The following GALC variants were observed in gnomAD, a reference collection of about 807,000 sequenced individuals.
The protein encoded by GALC is galactocerebrosidase.
In GALC, 77 loss-of-function variants were observed where a neutral mutation model predicts 91.8. That is an observed-to-expected ratio of 0.84 (90% CI 0.70 to 1.01). The LOEUF (loss-of-function observed/expected upper bound fraction) is 1.01. GALC is among the 50% of genes least tolerant of loss of function. The pLI, the probability that GALC is intolerant of heterozygous loss-of-function variation, is 0.00. For missense variants in GALC, 882 were observed against 855.9 expected (o/e 1.03, Z -0.38); for synonymous variants, 357 against 306.7 (o/e 1.16, Z -1.71).
upstream of GALC, chr14:87,993,226 CG>C: frequency 6.5e-7 from 1 of 1,547,356 alleles, no homozygotes; most frequent in Non-Finnish European, 8.7e-7. Flanking sequence ...ACGATAGATA[CG>C]GGCAGGAGGC....
At position 87,992,966 on chromosome 14, in the gene GALC, T is replaced by C; in HGVS notation, c.195+4A>G. ...CCCGCGTATCCCCGCAGCTTGCCGC[T>C]CACCCCGCCGCCGCTGACCGCGCCG... is the stretch of plus-strand genomic sequence containing the variant. On this transcript the variant is annotated splice_donor_region_variant and intron_variant, in intron 1 of 16. Transcript: ENST00000261304. The C allele has an allele frequency of 6.6e-7, 1 of 1,515,260 alleles. No homozygotes were observed. The highest frequency in any genetic ancestry group is 8.8e-7 in the Non-Finnish European group (1 of 1,140,556). 93.9% of individuals were successfully genotyped at this position (1,515,260 alleles called of 1,614,324 possible).
rs1211719211 is a variant in GALC, at chr14:87,992,898, G to C, written c.195+72C>G. Reference sequence around the variant, plus strand: ...GGTGGAAACGCAGGGCAACGCCGCGGGGGCTTGTGGGGCTGGCCCCACGGG... The same window carrying C: ...GGTGGAAACGCAGGGCAACGCCGCGCGGGCTTGTGGGGCTGGCCCCACGGG... On this transcript the variant is annotated intron_variant, in intron 1 of 16. Transcript: ENST00000261304. 7 of 1,443,142 alleles carry C rather than the reference G, an allele frequency of 4.9e-6. No homozygotes were observed. The African/African-American group carries it at 9.0e-5, about 18-fold the overall frequency. The allele number at this position is 1,443,142 out of a possible 1,614,324, so 89.4% of individuals were successfully genotyped here. A position where few individuals can be genotyped will look rare whatever the true frequency, so the allele number is the denominator to read the frequency against.
intron 10 of GALC, among the ~76,000 whole-genome samples, chr14:87,960,462 C>G (rs1885755323): frequency 6.6e-6 from 1 of 152,002 alleles, no homozygotes; most frequent in African/African-American, 2.4e-5. Context: ...ATGGGCATAC[C>G]CTGATTTGAC....
At chr14:87,985,681 C>A (rs967151097) in intron 4 of GALC, among the ~76,000 whole-genome samples, 5 of 152,174 alleles carry the variant, frequency 3.3e-5, no homozygotes, top group Admixed American at 1.3e-4. Context: ...GAAATCAGGT[C>A]TTTAAAATGA....
chr14:87,978,519 G>C (rs1485841974), intron 6 of GALC, among the ~76,000 whole-genome samples: 1 of 152,124 alleles, frequency 6.6e-6, no homozygotes, highest in East Asian at 1.9e-4. Context: ...TACATGCTAT[G>C]ATTTCTAAAT....
chr14:87,970,401 A>T (rs372874664), intron 7 of GALC, among the ~76,000 whole-genome samples: 9 of 152,140 alleles, frequency 5.9e-5, no homozygotes, highest in African/African-American at 1.9e-4. Flanking sequence ...ATATTTATAA[A>T]ATGAAAAAGT....
At chr14:87,986,454 G>A in intron 4 of GALC, 35 bp downstream of exon 4, 3 of 1,278,096 alleles carry the variant, frequency 2.3e-6, no homozygotes, top group Non-Finnish European at 3.4e-6. Flanking sequence ...TAAAGGAAAA[G>A]AGACTGAAGA....
In GALC at chr14:87,976,158, CTT is replaced by C. The variant is rs201427106; in HGVS notation, c.752+198_752+199del. On this transcript the variant is annotated intron_variant, in intron 7 of 16. Coordinates refer to ENST00000261304, the MANE Select transcript of GALC (RefSeq NM_000153.4). ...ACATGCTTTTTAAAAGCTATCAATA[CTT>C]GTTTGTCATAGAAAGATCCTAAAAT... 6.0e-3 allele frequency among the ~76,000 whole-genome samples: 910 copies of C among 152,266 alleles called. 12 individuals carry two copies. The highest frequency in any genetic ancestry group is 0.021 in the African/African-American group (870 of 41,556).
chr14:87,990,090 C>T (rs1039777306), intron 1 of GALC, among the ~76,000 whole-genome samples: 6 of 152,118 alleles, frequency 3.9e-5, no homozygotes, highest in African/African-American at 9.7e-5. Flanking sequence ...TTGATGTAAG[C>T]GCCTCTCCTT....
chr14:87,993,651 AAAGTT>A (rs1887341364), upstream of GALC: 6 of 615,438 alleles, frequency 9.7e-6, no homozygotes, highest in Non-Finnish European at 1.7e-5. Flanking sequence ...GACTGAGAGA[AAAGTT>A]AATAAGCACT....
At chr14:87,943,874 A>G (rs1220155546) in intron 14 of GALC, among the ~76,000 whole-genome samples, 1 of 151,924 alleles carries the variant, frequency 6.6e-6, no homozygotes, top group East Asian at 1.9e-4. Flanking sequence ...GATGAGACCA[A>G]ATTATAAAGG....
chr14:87,993,397 C>A (rs1887325131), upstream of GALC: 2 of 1,535,864 alleles, frequency 1.3e-6, no homozygotes, highest in African/African-American at 2.7e-5. Flanking sequence ...GGCTTCTCTT[C>A]CGGCGTCACC....
upstream of GALC, chr14:87,993,300 C>G: frequency 2.0e-6 from 3 of 1,537,760 alleles, no homozygotes; most frequent in African/African-American, 1.4e-5. Flanking sequence ...ACGCAGCTGG[C>G]GGAGTGTTGA....
chr14:87,934,229 A>C lies in GALC; in HGVS notation c.*503T>G, dbSNP rs1884474417. On this transcript the variant is annotated 3_prime_UTR_variant, in exon 17 of 17. Coordinates refer to ENST00000261304, the MANE Select transcript of GALC (RefSeq NM_000153.4). ...ATAAAAAAATACTTTTTAGAGCATA[A>C]AGCATAACAGGTTGAAGTGGTTTTC... 1 of 1,378,994 alleles carries C rather than the reference A, an allele frequency of 7.3e-7. No homozygotes were observed. The highest frequency in any genetic ancestry group is 9.4e-7 in the Non-Finnish European group (1 of 1,067,846). 85.4% of individuals were successfully genotyped at this position (1,378,994 alleles called of 1,614,324 possible). A position where few individuals can be genotyped will look rare whatever the true frequency, so the allele number is the denominator to read the frequency against.
At chr14:87,973,676 C>T (rs1027377224) in intron 7 of GALC, among the ~76,000 whole-genome samples, 6 of 152,030 alleles carry the variant, frequency 3.9e-5, no homozygotes, top group African/African-American at 7.2e-5. Flanking sequence ...AATAACTAAA[C>T]GAAGAAGAAA....
chr14:87,938,818 A>C (rs958458319), intron 16 of GALC, among the ~76,000 whole-genome samples: 1 of 151,950 alleles, frequency 6.6e-6, no homozygotes, highest in Non-Finnish European at 1.5e-5. Context: ...TAAAACTTAT[A>C]ATCATCAAAA....
Position 87,952,070 on chromosome 14 carries a change from T to A in GALC, c.1162-1322A>T, listed in dbSNP as rs79008288. Among the ~76,000 whole-genome samples, 1,007 of 151,622 alleles carry A rather than the reference T, an allele frequency of 6.6e-3. 15 individuals are homozygous for A. The highest frequency in any genetic ancestry group is 0.044 in the East Asian group (226 of 5,164). ...CAAAAAACTGTGGAAATAAAATTTT[T>A]TTAAAAAGTAAAAATAAAAATAAAG... On this transcript the variant is annotated intron_variant, in intron 10 of 16. Coordinates refer to ENST00000261304, the MANE Select transcript of GALC (RefSeq NM_000153.4).
At position 87,993,091 on chromosome 14, in the gene GALC, C is replaced by G. The variant is rs912505865; in HGVS notation, c.74G>C (p.Gly25Ala). Residue 25 changes from glycine (G) to alanine (A), a missense_variant, in exon 1 of 17, where the codon GGC becomes GCC. Coordinates refer to ENST00000261304, the MANE Select transcript of GALC (RefSeq NM_000153.4). ...CAGCAGCAAGGGCACCGCGGCGCGG[C>G]CCGCCGAACCCGCGGCCGCAGTCAT... Reference protein sequence around the residue: ...KAMTAAAGSAGRAAVPLLLCA... With the variant: ...KAMTAAAGSAARAAVPLLLCA... The G allele has an allele frequency of 1.9e-6, 3 of 1,583,920 alleles. No homozygotes were observed. The highest frequency in any genetic ancestry group is 1.7e-4 in the Middle Eastern group (1 of 5,800).
Position 87,947,832 on chromosome 14 carries a change from T to G in GALC, c.1385A>C (p.Glu462Ala). Reference protein sequence around the residue: ...GSFTLSLHEDELFTLTTLTTG... With the variant: ...GSFTLSLHEDALFTLTTLTTG... ...GGTGAGAGTGGTGAGTGTGAACAGCTCATCTTCATGCAGGCTCAGTGTGAA... is the reference window on the plus strand; with the variant it reads ...GGTGAGAGTGGTGAGTGTGAACAGCGCATCTTCATGCAGGCTCAGTGTGAA... The change falls in exon 13 of 17, where the codon GAG (glutamate) becomes GCG (alanine). Residue 462 changes from glutamate to alanine, a missense_variant. Transcript: ENST00000261304. 6.2e-7 allele frequency: 1 copy of G among 1,612,704 alleles called. No individual in the cohort carries two copies. The highest frequency in any genetic ancestry group is 8.5e-7 in the Non-Finnish European group (1 of 1,179,142).
Sources: gnomAD v4.1 joint callset for allele counts (sites outside exome capture counted in the v4.1 genomes callset) on GRCh38, gnomAD v4.1.1 for gene constraint, MANE v1.5 for transcripts, NCBI Gene and HGNC (gene_info 2026-07-23, HGNC 2026-07-21) for gene names.